FHIP1A: variants seen among roughly 807,000 people sequenced by gnomAD.
The protein encoded by FHIP1A is FHF complex subunit HOOK-interacting protein 1A.
FHIP1A carries 61 observed loss-of-function variants against 88.6 expected under a neutral mutation model. The ratio of observed to expected loss-of-function variants is 0.69; its 90% CI spans 0.56 to 0.85. The LOEUF (loss-of-function observed/expected upper bound fraction) is 0.85. Ranked by LOEUF, FHIP1A falls within the 40% of genes least tolerant of loss-of-function variation. The pLI is 0.00. For missense variants in FHIP1A, 1,154 were observed against 1,273.5 expected, an observed-to-expected ratio of 0.91 and a Z score of 1.43; for synonymous variants, 478 against 496.0, an observed-to-expected ratio of 0.96 and a Z score of 0.48.
intron 7 of FHIP1A, among the ~76,000 whole-genome samples, chr4:151,611,370 T>C (rs1388779796): frequency 1.3e-5 from 2 of 152,114 alleles, no homozygotes; most frequent in Admixed American, 1.3e-4. Flanking sequence ...AAGGAAGATA[T>C]AGATATTTTA....
At chr4:151,605,488 T>G (rs1405163915) in intron 7 of FHIP1A, among the ~76,000 whole-genome samples, 3 of 152,318 alleles carry the variant, frequency 2.0e-5, no homozygotes, top group African/African-American at 7.2e-5. Flanking sequence ...CAGCCAGCTG[T>G]GTTTCATTCA....
At chr4:151,462,482 G>A (rs893674076) in intron 2 of FHIP1A, among the ~76,000 whole-genome samples, 1 of 152,090 alleles carries the variant, frequency 6.6e-6, no homozygotes, top group African/African-American at 2.4e-5. Context: ...AACCCTTTCT[G>A]TGTTATATAT....
chr4:151,639,129 G>A (rs1044800300), intron 9 of FHIP1A, among the ~76,000 whole-genome samples: 3 of 152,186 alleles, frequency 2.0e-5, no homozygotes, highest in Non-Finnish European at 2.9e-5. Context: ...AAAAGCAAGT[G>A]TTCCAAATAT....
In FHIP1A at chr4:151,555,452, C is replaced by T. The variant is rs374327069; in HGVS notation, c.-122-10686C>T. On this transcript the variant is annotated intron_variant, in intron 3 of 13. Coordinates refer to ENST00000435205, the MANE Select transcript of FHIP1A (RefSeq NM_001109977.3). ...CCCACTTACACAATAACAAAAACAA[C>T]TCTCCTCCTCCTCTTATTTTTTGAA... Among the ~76,000 whole-genome samples the T allele has an allele frequency of 3.3e-5, 5 of 152,178 alleles. No individual in the cohort carries two copies. In the South Asian group the frequency reaches 1.0e-3, roughly 32 times the overall value.
Position 151,650,056 on chromosome 4 carries a change from CTGAAG to C in FHIP1A, c.2017_2021del (p.Glu673SerfsTer25). The C allele has an allele frequency of 6.4e-7, 1 of 1,551,636 alleles. No individual in the cohort carries two copies. The highest frequency in any genetic ancestry group is 8.7e-7 in the Non-Finnish European group (1 of 1,146,980). On this transcript the variant is annotated frameshift_variant, in exon 11 of 14. Transcript: ENST00000435205. LOFTEE classifies it high-confidence loss of function. Reference sequence around the variant, plus strand: ...GCTAGGCCACCAGCTGAAGCCCAGGCTGAAGTTCAGAGTGTCCCCATCAACAACGG... The same window carrying C: ...GCTAGGCCACCAGCTGAAGCCCAGGCTTCAGAGTGTCCCCATCAACAACGG...
chr4:151,630,032 G>A (rs1472473903), intron 8 of FHIP1A, among the ~76,000 whole-genome samples, 163 bp downstream of exon 8: 1 of 151,852 alleles, frequency 6.6e-6, no homozygotes, highest in Non-Finnish European at 1.5e-5. Context: ...TTCTATTTGG[G>A]TAGAGATGAA....
intron 7 of FHIP1A, among the ~76,000 whole-genome samples, chr4:151,624,520 C>G (rs1735869663): frequency 1.3e-5 from 2 of 152,140 alleles, no homozygotes; most frequent in South Asian, 4.1e-4. Flanking sequence ...TCCCTTTTCT[C>G]CCAGAAGGCA....
At chr4:151,568,555 G>C (rs1428750280) in intron 4 of FHIP1A, among the ~76,000 whole-genome samples, 2 of 152,182 alleles carry the variant, frequency 1.3e-5, no homozygotes, top group African/African-American at 2.4e-5. Context: ...GTTCAATGGA[G>C]ATTTACTGAG....
intron 1 of FHIP1A, among the ~76,000 whole-genome samples, chr4:151,434,832 A>G (rs1320643490): frequency 6.6e-6 from 1 of 152,166 alleles, no homozygotes; most frequent in African/African-American, 2.4e-5. Flanking sequence ...CTGGTTAGGT[A>G]AAAAGAATTG....
intron 7 of FHIP1A, among the ~76,000 whole-genome samples, chr4:151,592,141 T>C (rs959873895): frequency 2.1e-5 from 3 of 144,856 alleles, no homozygotes; most frequent in African/African-American, 7.5e-5. Flanking sequence ...GTTTCCAGAC[T>C]TTTTTTTTTT....
At chr4:151,546,387 G>T (rs1732504546) in intron 3 of FHIP1A, among the ~76,000 whole-genome samples, 1 of 152,188 alleles carries the variant, frequency 6.6e-6, no homozygotes, top group South Asian at 2.1e-4. Flanking sequence ...TCTCCAGCTT[G>T]CAGATGGACT....
chr4:151,542,935 A>C (rs1335434008), intron 3 of FHIP1A, among the ~76,000 whole-genome samples: 1 of 152,194 alleles, frequency 6.6e-6, no homozygotes, highest in Non-Finnish European at 1.5e-5. Flanking sequence ...CTGAGGTGTG[A>C]GTTGTGTTAT....
At chr4:151,491,180 C>T (rs1730268559) in intron 3 of FHIP1A, among the ~76,000 whole-genome samples, 1 of 152,024 alleles carries the variant, frequency 6.6e-6, no homozygotes, top group Admixed American at 6.6e-5. Flanking sequence ...ATGATCTAGG[C>T]ACATAGTCAT....
At position 151,629,507 on chromosome 4, in the gene FHIP1A, A is replaced by G. The variant is rs72956904; in HGVS notation, c.979-195A>G. On this transcript the variant is annotated intron_variant, in intron 7 of 13. Transcript: ENST00000435205. ...CCTTTCTTTTTCCTTATTGAATTAA[A>G]GGGCGGAAACAGCATGAGGTATTGT... 0.013 allele frequency among the ~76,000 whole-genome samples: 1,947 copies of G among 152,314 alleles called. 39 individuals are homozygous for G. The highest frequency in any genetic ancestry group is 0.04 in the African/African-American group (1,673 of 41,560).
chr4:151,486,666 T>C (rs1360340441), intron 3 of FHIP1A, among the ~76,000 whole-genome samples: 1 of 152,292 alleles, frequency 6.6e-6, no homozygotes, highest in African/African-American at 2.4e-5. Context: ...CTGATTTCTT[T>C]CCTTGAAAAA....
intron 13 of FHIP1A, among the ~76,000 whole-genome samples, chr4:151,661,499 C>T (rs1737456659): frequency 6.7e-6 from 1 of 148,326 alleles, no homozygotes; most frequent in Non-Finnish European, 1.5e-5. Context: ...TGTAGTTAAG[C>T]AACACTCTGA....
intron 7 of FHIP1A, among the ~76,000 whole-genome samples, chr4:151,592,062 A>G (rs1734454143): frequency 6.6e-6 from 1 of 152,148 alleles, no homozygotes. Context: ...ACAATGGTTG[A>G]ACTAATTTAC....
chr4:151,627,882 G>A (rs929842258), intron 7 of FHIP1A, among the ~76,000 whole-genome samples: 47 of 152,298 alleles, frequency 3.1e-4, no homozygotes, highest in African/African-American at 1.1e-3. Flanking sequence ...CATTTTATGT[G>A]CCAGGCTTTG....
chr4:151,565,051 T>C (rs1043908550), intron 3 of FHIP1A, among the ~76,000 whole-genome samples: 2 of 152,172 alleles, frequency 1.3e-5, no homozygotes, highest in African/African-American at 4.8e-5. Flanking sequence ...ACCCTTCCTA[T>C]TACTGTGTTG....
Sources: gnomAD v4.1 joint callset for allele counts (sites outside exome capture counted in the v4.1 genomes callset) on GRCh38, gnomAD v4.1.1 for gene constraint, MANE v1.5 for transcripts, NCBI Gene and HGNC (gene_info 2026-07-23, HGNC 2026-07-21) for gene names.